NTRK2: variants seen among roughly 807,000 people sequenced by gnomAD.
NTRK2 encodes neurotrophic receptor tyrosine kinase 2, also known as BDNF/NT-3 growth factors receptor.
In NTRK2, 13 loss-of-function variants were observed where a neutral mutation model predicts 94.5. The observed-to-expected ratio is 0.14, with a 90% CI of 0.09 to 0.22. The LOEUF is 0.22. Ranked by LOEUF, NTRK2 falls within the 10% of genes least tolerant of loss-of-function variation. The pLI, the probability that NTRK2 is intolerant of heterozygous loss-of-function variation, is 1.00. For synonymous variants in NTRK2, 372 were observed against 407.4 expected (o/e 0.91, Z 1.05); for missense variants, 639 against 1,071.2 (o/e 0.60, Z 5.63).
chr9:84,768,848 A>C (rs916401794), intron 12 of NTRK2, among the ~76,000 whole-genome samples: 1 of 152,086 alleles, frequency 6.6e-6, no homozygotes, highest in African/African-American at 2.4e-5. Context: ...ATCAGGGGTA[A>C]GGGGGGATCC....
intron 14 of NTRK2, chr9:84,873,000 T>C: frequency 9.4e-7 from 1 of 1,063,824 alleles, no homozygotes; most frequent in East Asian, 5.0e-5. Flanking sequence ...CAACATTACT[T>C]TGAGTACACA....
intron 12 of NTRK2, among the ~76,000 whole-genome samples, chr9:84,808,405 G>C (rs1190482454): frequency 3.3e-5 from 5 of 152,192 alleles, no homozygotes; most frequent in African/African-American, 9.7e-5. Context: ...TCGTGTTATT[G>C]AGTCAACAAA....
At chr9:84,680,773 C>G (rs2059343917) in intron 2 of NTRK2, among the ~76,000 whole-genome samples, 1 of 152,090 alleles carries the variant, frequency 6.6e-6, no homozygotes, top group Non-Finnish European at 1.5e-5. Context: ...TATACCAGTC[C>G]CATTCCACTG....
chr9:84,753,009 A>T (rs1193604042), intron 12 of NTRK2, among the ~76,000 whole-genome samples: 11 of 152,120 alleles, frequency 7.2e-5, no homozygotes, highest in African/African-American at 1.2e-4. Context: ...ATTTACTTGA[A>T]AGGGAATGTT....
intron 17 of NTRK2, among the ~76,000 whole-genome samples, chr9:84,971,830 T>G (rs1826220171): frequency 6.6e-6 from 1 of 152,052 alleles, no homozygotes; most frequent in African/African-American, 2.4e-5. Context: ...ATAAGCTATT[T>G]AGGAGGCAAA....
intron 2 of NTRK2, among the ~76,000 whole-genome samples, chr9:84,688,790 T>C (rs1356385134): frequency 2.6e-5 from 4 of 152,256 alleles, no homozygotes; most frequent in African/African-American, 7.2e-5. Context: ...GATGTCTTTT[T>C]TCCTGAATTG....
rs534484326 is a variant in NTRK2, at chr9:84,925,019, G to C, written c.1634-9143G>C. Among the ~76,000 whole-genome samples the C allele has an allele frequency of 3.3e-5, 5 of 152,216 alleles. No homozygotes were observed. The South Asian group carries it at 1.0e-3, about 32-fold the overall frequency. ...CTAGGCCCCTTGGGAATCTCTGAAG[G>C]TCCACTTGCTCCTTCGGTGCCCCAG... On this transcript the variant is annotated intron_variant, in intron 14 of 18. Coordinates refer to ENST00000277120, the MANE Select transcript of NTRK2 (RefSeq NM_006180.6).
Position 84,790,351 on chromosome 9 carries a change from C to G in NTRK2, c.1396+38266C>G, listed in dbSNP as rs114274681. ...GTGGATGAATTTTTGTCTGGCTGTTCTAAGCAGTGGATAATGAAAAAAAGC... is the reference window on the plus strand; with the variant it reads ...GTGGATGAATTTTTGTCTGGCTGTTGTAAGCAGTGGATAATGAAAAAAAGC... On this transcript the variant is annotated intron_variant, in intron 12 of 18. Transcript: ENST00000277120. Among the ~76,000 whole-genome samples, 314 of 152,252 alleles carry G rather than the reference C, an allele frequency of 2.1e-3. 2 individuals are homozygous for G. Among genetic ancestry groups the G allele is most frequent in the African/African-American group, 7.0e-3 (292 of 41,542 alleles).
At chr9:84,959,634 T>G (rs1261215822) in intron 17 of NTRK2, among the ~76,000 whole-genome samples, 2 of 152,270 alleles carry the variant, frequency 1.3e-5, no homozygotes, top group Non-Finnish European at 2.9e-5. Flanking sequence ...ACATTTGCAT[T>G]GAAACCAGCC....
chr9:84,686,305 G>C (rs2131471588), intron 2 of NTRK2, among the ~76,000 whole-genome samples: 1 of 152,296 alleles, frequency 6.6e-6, no homozygotes, highest in African/African-American at 2.4e-5. Flanking sequence ...CAAAGAGAGG[G>C]GAGGATGAGG....
intron 9 of NTRK2, among the ~76,000 whole-genome samples, chr9:84,739,636 G>A (rs1056231424): frequency 3.9e-5 from 6 of 152,134 alleles, no homozygotes; most frequent in African/African-American, 4.8e-5. Flanking sequence ...GTGTAAAAGC[G>A]ATGGTGACCA....
At position 84,907,429 on chromosome 9, in the gene NTRK2, G is replaced by T. The variant is rs539330071; in HGVS notation, c.1634-26733G>T. On this transcript the variant is annotated intron_variant, in intron 14 of 18. Coordinates refer to ENST00000277120, the MANE Select transcript of NTRK2 (RefSeq NM_006180.6). Reference sequence around the variant, plus strand: ...ATTTTGGTAAAAATGGAGAATCTTTGGTTCCCTATTATTACCAGCAGCAAC... The same window carrying T: ...ATTTTGGTAAAAATGGAGAATCTTTTGTTCCCTATTATTACCAGCAGCAAC... Among the ~76,000 whole-genome samples the T allele has an allele frequency of 3.9e-5, 6 of 152,244 alleles. 1 individual carries two copies. The South Asian group carries it at 1.0e-3, about 26-fold the overall frequency.
chr9:84,773,699 A>G (rs2066771926), intron 12 of NTRK2, among the ~76,000 whole-genome samples: 1 of 152,218 alleles, frequency 6.6e-6, no homozygotes, highest in South Asian at 2.1e-4. Flanking sequence ...GGATTTATGC[A>G]GAAGGTTTAT....
intron 15 of NTRK2, among the ~76,000 whole-genome samples, chr9:84,938,288 C>A (rs1564481969): frequency 6.6e-6 from 1 of 152,164 alleles, no homozygotes; most frequent in Admixed American, 6.5e-5. Context: ...GAAAAGTTTT[C>A]TGATAAACCC....
At chr9:84,934,826 C>T (rs2078160875) in intron 15 of NTRK2, among the ~76,000 whole-genome samples, 1 of 152,168 alleles carries the variant, frequency 6.6e-6, no homozygotes, top group South Asian at 2.1e-4. Flanking sequence ...GGCTGGATGG[C>T]ATCTCCTGTG....
chr9:84,972,455 A>G (rs917317977), intron 17 of NTRK2, among the ~76,000 whole-genome samples: 2 of 152,206 alleles, frequency 1.3e-5, no homozygotes, highest in African/African-American at 4.8e-5. Context: ...GGCTTCAGTG[A>G]CTGGTTTTGT....
rs551915089 is a variant in NTRK2, at chr9:84,872,177, G to T, written c.1633+4746G>T. The T allele has an allele frequency of 4.3e-6, 5 of 1,163,628 alleles. No homozygotes were observed. In the African/African-American group the frequency reaches 6.1e-5, roughly 14 times the overall value. 72.1% of individuals were successfully genotyped at this position (1,163,628 alleles called of 1,614,324 possible). ...TGAACACCACATCACCTGACAGCAC[G>T]GGGTGGTTTCCCAGTAAAATTTACA... On this transcript the variant is annotated intron_variant, in intron 14 of 18. Transcript: ENST00000277120.
intron 12 of NTRK2, among the ~76,000 whole-genome samples, chr9:84,775,819 T>C (rs2066972703): frequency 6.6e-6 from 1 of 152,176 alleles, no homozygotes; most frequent in Non-Finnish European, 1.5e-5. Context: ...TTTTTCAAAA[T>C]ACAGATCTGG....
intron 14 of NTRK2, chr9:84,877,916 A>T (rs1240890950): frequency 9.8e-7 from 1 of 1,018,078 alleles, no homozygotes; most frequent in Non-Finnish European, 1.2e-6. Context: ...TCTGTTGCCT[A>T]CTTTCGTCAC....
Sources: gnomAD v4.1 joint callset for allele counts (sites outside exome capture counted in the v4.1 genomes callset) on GRCh38, gnomAD v4.1.1 for gene constraint, MANE v1.5 for transcripts, NCBI Gene and HGNC (gene_info 2026-07-23, HGNC 2026-07-21) for gene names.